The following FHIT variants were observed in gnomAD, a reference collection of about 807,000 sequenced individuals.
FHIT encodes the protein fragile histidine triad diadenosine triphosphatase.
In FHIT, 19 loss-of-function variants were observed where a neutral mutation model predicts 17.9. The observed-to-expected ratio is 1.06, with a 90% CI of 0.74 to 1.56. The LOEUF is 1.56. Among genes scored for constraint, FHIT ranks in the 40% most tolerant of loss-of-function variants. FHIT has a pLI of 0.00. For synonymous variants in FHIT, 81 were observed against 69.7 expected (o/e 1.16, Z -0.81); for missense variants, 248 against 189.2 (o/e 1.31, Z -1.82).
intron 5 of FHIT, among the ~76,000 whole-genome samples, chr3:60,460,137 C>G (rs2032366971): frequency 6.6e-6 from 1 of 150,832 alleles, no homozygotes; most frequent in Non-Finnish European, 1.5e-5. Flanking sequence ...TAAGAAATGT[C>G]TTCAACAAAT....
chr3:60,795,588 C>T (rs560314942), intron 4 of FHIT, among the ~76,000 whole-genome samples: 2 of 151,646 alleles, frequency 1.3e-5, no homozygotes, highest in East Asian at 3.9e-4. Flanking sequence ...GATCAGGGCT[C>T]ACTGCAGCCT....
chr3:60,702,770 A>T (rs1553702526), intron 4 of FHIT, among the ~76,000 whole-genome samples: 1 of 152,118 alleles, frequency 6.6e-6, no homozygotes, highest in African/African-American at 2.4e-5. Context: ...GCTAATAGCA[A>T]ATATTCCTGT....
intron 2 of FHIT, among the ~76,000 whole-genome samples, chr3:61,187,563 G>A (rs183796883): frequency 6.6e-4 from 100 of 152,300 alleles, no homozygotes; most frequent in African/African-American, 2.3e-3. Context: ...ATTGAACTCA[G>A]CTCTGCAGCA....
At chr3:61,211,298 C>A (rs1001744077) in intron 1 of FHIT, among the ~76,000 whole-genome samples, 3 of 131,866 alleles carry the variant, frequency 2.3e-5, no homozygotes, top group African/African-American at 8.5e-5. Context: ...GTCACTCCCA[C>A]CCTAATACTG....
chr3:60,682,228 C>T (rs373706688), intron 4 of FHIT, among the ~76,000 whole-genome samples: 1 of 152,134 alleles, frequency 6.6e-6, no homozygotes, highest in Non-Finnish European at 1.5e-5. Flanking sequence ...GCCTCGGCCT[C>T]CCACAATGCT....
intron 3 of FHIT, among the ~76,000 whole-genome samples, chr3:60,998,893 TA>T (rs1224746119): frequency 6.7e-6 from 1 of 150,160 alleles, no homozygotes; most frequent in Non-Finnish European, 1.5e-5. Flanking sequence ...TAGCGAAGTC[TA>T]AATGAACAAG....
intron 4 of FHIT, among the ~76,000 whole-genome samples, chr3:60,568,760 A>G (rs528987786): frequency 1.2e-3 from 185 of 152,226 alleles, no homozygotes; most frequent in Admixed American, 3.1e-3. Context: ...ATTCCCTTTC[A>G]GCTCTTAGTC....
At chr3:61,124,029 C>G (rs1387154342) in intron 2 of FHIT, among the ~76,000 whole-genome samples, 1 of 152,028 alleles carries the variant, frequency 6.6e-6, no homozygotes, top group Non-Finnish European at 1.5e-5. Context: ...GAACTGAAAG[C>G]AAAAGTTATG....
chr3:60,801,833 G>A (rs1274323833), intron 4 of FHIT, among the ~76,000 whole-genome samples: 3 of 152,244 alleles, frequency 2.0e-5, no homozygotes, highest in African/African-American at 4.8e-5. Flanking sequence ...GGTGATGATC[G>A]TAATATGTGT....
At chr3:60,882,149 C>T (rs1434694896) in intron 3 of FHIT, among the ~76,000 whole-genome samples, 1 of 151,912 alleles carries the variant, frequency 6.6e-6, no homozygotes, top group Non-Finnish European at 1.5e-5. Context: ...GAAACAAATT[C>T]CTAGACAACC....
chr3:60,429,609 C>T (rs946075255), intron 5 of FHIT, among the ~76,000 whole-genome samples: 3 of 151,990 alleles, frequency 2.0e-5, no homozygotes, highest in African/African-American at 4.8e-5. Flanking sequence ...GTATCTATCA[C>T]ACAGTGATAG....
chr3:61,167,647 G>GA (rs1200506739), intron 2 of FHIT, among the ~76,000 whole-genome samples: 1 of 110,636 alleles, frequency 9.0e-6, no homozygotes, highest in African/African-American at 3.5e-5. Flanking sequence ...AAAAAAAAAA[G>GA]AAAGAAAAGA....
chr3:60,064,604 G>A (rs753801949), intron 5 of FHIT, among the ~76,000 whole-genome samples: 15 of 152,194 alleles, frequency 9.9e-5, no homozygotes, highest in Non-Finnish European at 1.9e-4. Context: ...AGCTATAGCT[G>A]ACTCTAGCTC....
At chr3:59,887,912 A>G (rs1042156776) in intron 8 of FHIT, among the ~76,000 whole-genome samples, 1 of 152,214 alleles carries the variant, frequency 6.6e-6, no homozygotes, top group Non-Finnish European at 1.5e-5. Flanking sequence ...GCAGAAAGCT[A>G]CTTCTGAGAA....
intron 5 of FHIT, among the ~76,000 whole-genome samples, chr3:60,306,635 G>C (rs180908856): frequency 1.0e-3 from 158 of 152,132 alleles, no homozygotes; most frequent in Non-Finnish European, 5.9e-4. Flanking sequence ...TCTTCATAAT[G>C]ATTCTTGACA....
intron 4 of FHIT, among the ~76,000 whole-genome samples, chr3:60,775,141 T>C (rs1021609442): frequency 2.0e-5 from 3 of 152,166 alleles, no homozygotes; most frequent in Admixed American, 6.5e-5. Flanking sequence ...CCATTTGAAA[T>C]GAATAGAGTG....
chr3:59,822,454 C>T (rs1460563740), intron 8 of FHIT, among the ~76,000 whole-genome samples: 1 of 152,104 alleles, frequency 6.6e-6, no homozygotes, highest in African/African-American at 2.4e-5. Context: ...TCCACGCCAA[C>T]ATCTATTACT....
At chr3:59,851,238 CTCATTAATTATTA>C (rs1701921158) in intron 8 of FHIT, among the ~76,000 whole-genome samples, 1 of 152,096 alleles carries the variant, frequency 6.6e-6, no homozygotes, top group African/African-American at 2.4e-5. Flanking sequence ...ACGATCAGAG[CTCATTAATTATTA>C]ACTAACTAGA....
At chr3:60,921,126 C>T (rs1209230798) in intron 3 of FHIT, among the ~76,000 whole-genome samples, 1 of 152,242 alleles carries the variant, frequency 6.6e-6, no homozygotes, top group African/African-American at 2.4e-5. Context: ...AGTGCTAAGA[C>T]TTGAAAGGCA....
Sources: allele counts gnomAD v4.1 joint callset (sites outside exome capture counted in the v4.1 genomes callset), GRCh38; gene constraint gnomAD v4.1.1; transcripts MANE v1.5; gene names NCBI Gene and HGNC (gene_info 2026-07-23, HGNC 2026-07-21).